CSNK1A1: variants seen among roughly 807,000 people sequenced by gnomAD.
CSNK1A1 encodes casein kinase 1 alpha 1, also known as casein kinase I isoform alpha.
In CSNK1A1, 7 loss-of-function variants were observed where a neutral mutation model predicts 46.1. The ratio of observed to expected loss-of-function variants is 0.15; its 90% CI spans 0.09 to 0.29. The LOEUF (loss-of-function observed/expected upper bound fraction) is 0.29. Ranked by LOEUF, CSNK1A1 falls within the 10% of genes least tolerant of loss-of-function variation. CSNK1A1 has a pLI of 1.00. For missense variants in CSNK1A1, 96 were observed against 417.1 expected, an observed-to-expected ratio of 0.23 and a Z score of 6.71; for synonymous variants, 137 against 141.5, an observed-to-expected ratio of 0.97 and a Z score of 0.23.
At chr5:149,523,772 A>G (rs1349780857) in intron 3 of CSNK1A1, among the ~76,000 whole-genome samples, 1 of 152,232 alleles carries the variant, frequency 6.6e-6, no homozygotes, top group East Asian at 1.9e-4. Flanking sequence ...AAATCAGGGT[A>G]GTTGGGATAT....
chr5:149,508,522 T>C (rs1030057793), intron 7 of CSNK1A1, among the ~76,000 whole-genome samples: 1 of 152,226 alleles, frequency 6.6e-6, no homozygotes, highest in Non-Finnish European at 1.5e-5. Context: ...TTTTTATGGA[T>C]GAGATCATGG....
chr5:149,539,029 A>T lies in CSNK1A1; in HGVS notation c.230+11046T>A, dbSNP rs559040135. The stretch of plus-strand genomic sequence containing the variant: ...ATAAGAAACACAAGATACCTCTATG[A>T]GTAAGACAGTTCTCTCCTTCAAGGA... On this transcript the variant is annotated intron_variant, in intron 2 of 9. Transcript: ENST00000377843. Among the ~76,000 whole-genome samples, 5 of 152,252 alleles carry T rather than the reference A, an allele frequency of 3.3e-5. No homozygotes were observed. In the East Asian group the frequency reaches 9.6e-4, roughly 29 times the overall value.
intron 9 of CSNK1A1, chr5:149,498,766 C>CA: frequency 1.0e-6 from 1 of 985,098 alleles, no homozygotes. Flanking sequence ...GTGAATATAC[C>CA]AAATGGCTTT....
chr5:149,508,954 GTCTCAC>G, intron 7 of CSNK1A1, among the ~76,000 whole-genome samples: 1 of 151,936 alleles, frequency 6.6e-6, no homozygotes, highest in Admixed American at 6.6e-5. Flanking sequence ...TTGAGACAGG[GTCTCAC>G]TCTGTCACCC....
intron 9 of CSNK1A1, chr5:149,505,071 A>G: frequency 1.0e-6 from 1 of 991,452 alleles, no homozygotes; most frequent in Non-Finnish European, 1.2e-6. Context: ...CATTATTAGA[A>G]ATCAACAAGT....
chr5:149,545,507 T>G, intron 2 of CSNK1A1: 1 of 629,980 alleles, frequency 1.6e-6, no homozygotes, highest in South Asian at 1.7e-5. Context: ...CTGAGCCCCT[T>G]GGCAATGCGG....
At chr5:149,510,651 T>A (rs1164611738) in intron 6 of CSNK1A1, among the ~76,000 whole-genome samples, 1 of 151,976 alleles carries the variant, frequency 6.6e-6, no homozygotes, top group Non-Finnish European at 1.5e-5. Context: ...GCTATTTTTT[T>A]TTTTTAAAGT....
intron 3 of CSNK1A1, among the ~76,000 whole-genome samples, chr5:149,523,174 G>A (rs1435146863): frequency 6.6e-6 from 1 of 151,778 alleles, no homozygotes; most frequent in Non-Finnish European, 1.5e-5. Flanking sequence ...CCGGGTAGCT[G>A]GGATTACAGG....
At chr5:149,543,912 T>C (rs565323245) in intron 2 of CSNK1A1, among the ~76,000 whole-genome samples, 1 of 151,910 alleles carries the variant, frequency 6.6e-6, no homozygotes, top group Non-Finnish European at 1.5e-5. Context: ...AAAATAAAAA[T>C]AATAAAAGAT....
intron 2 of CSNK1A1, among the ~76,000 whole-genome samples, chr5:149,544,659 C>G (rs1762405552): frequency 6.7e-6 from 1 of 148,998 alleles, no homozygotes; most frequent in East Asian, 2.0e-4. Context: ...AGGTTTTTTT[C>G]TGCCTCTGCT....
intron 7 of CSNK1A1, among the ~76,000 whole-genome samples, chr5:149,508,218 C>T (rs1175750218): frequency 2.6e-5 from 4 of 152,158 alleles, no homozygotes; most frequent in South Asian, 4.2e-4. Context: ...ATGCTTGCAA[C>T]ATTTTTTATT....
intron 2 of CSNK1A1, among the ~76,000 whole-genome samples, chr5:149,542,640 GTA>G (rs1311690619): frequency 0.044 from 570 of 13,012 alleles, 40 homozygotes; most frequent in East Asian, 0.13. Context: ...ATATATATAT[GTA>G]TATATATATA....
chr5:149,542,637 T>C (rs1196414051), intron 2 of CSNK1A1, among the ~76,000 whole-genome samples: 8 of 11,670 alleles, frequency 6.9e-4, no homozygotes, highest in African/African-American at 2.3e-3. Context: ...TATATATATA[T>C]ATGTATATAT....
chr5:149,523,659 T>A (rs898620271), intron 3 of CSNK1A1, among the ~76,000 whole-genome samples: 1 of 152,224 alleles, frequency 6.6e-6, no homozygotes, highest in Non-Finnish European at 1.5e-5. Flanking sequence ...TACTTTCTAA[T>A]CCTTGGAATT....
At chr5:149,516,340 AC>A (rs201475894) in intron 4 of CSNK1A1, among the ~76,000 whole-genome samples, 1 of 84,922 alleles carries the variant, frequency 1.2e-5, no homozygotes, top group Non-Finnish European at 2.1e-5. Flanking sequence ...AAACAAAAAA[AC>A]CCCCCAAAAA....
At chr5:149,505,313 T>C (rs2113066811) in intron 9 of CSNK1A1, 134 bp downstream of exon 9, 2 of 1,273,274 alleles carry the variant, frequency 1.6e-6, no homozygotes, top group Middle Eastern at 2.0e-4. Flanking sequence ...AAGGACGTCT[T>C]TTTTTTTTTA....
intron 2 of CSNK1A1, chr5:149,545,484 T>C: frequency 1.8e-6 from 1 of 566,408 alleles, no homozygotes; most frequent in Non-Finnish European, 3.2e-6. Flanking sequence ...CCTTGGCCTT[T>C]GGCCCACACA....
intron 7 of CSNK1A1, among the ~76,000 whole-genome samples, chr5:149,507,646 TAG>T (rs1269600545): frequency 6.6e-6 from 1 of 152,152 alleles, no homozygotes; most frequent in African/African-American, 2.4e-5. Context: ...TATTTTTTAG[TAG>T]AGACAGGGTT....
chr5:149,542,667 TA>T lies in CSNK1A1; in HGVS notation c.230+7407del, dbSNP rs1762332030. Among the ~76,000 whole-genome samples the T allele has an allele frequency of 2.6e-4, 3 of 11,554 alleles. 1 individual carries two copies. Among genetic ancestry groups the T allele is most frequent in the Admixed American group, 1.5e-3 (1 of 646 alleles). The allele number at this position is 11,554 out of a possible 152,430, so 7.6% of individuals were successfully genotyped here. A position where few individuals can be genotyped will look rare whatever the true frequency, so the allele number is the denominator to read the frequency against. On this transcript the variant is annotated intron_variant, in intron 2 of 9. Transcript: ENST00000377843. ...ATATATATATATATATATATATATA[TA>T]TATGTATATATATATATATATATAT...
Sources: gnomAD v4.1 joint callset for allele counts (sites outside exome capture counted in the v4.1 genomes callset) on GRCh38, gnomAD v4.1.1 for gene constraint, MANE v1.5 for transcripts, NCBI Gene and HGNC (gene_info 2026-07-23, HGNC 2026-07-21) for gene names.